Variants in PSD3 observed in about 807,000 individuals in gnomAD.
PSD3 encodes pleckstrin and Sec7 domain containing 3, also known as PH and SEC7 domain-containing protein 3.
Under a neutral mutation model 105.5 loss-of-function variants are expected in PSD3, and 49 were observed. The ratio of observed to expected loss-of-function variants is 0.46; its 90% CI spans 0.37 to 0.59. The LOEUF (loss-of-function observed/expected upper bound fraction) is 0.59. Ranked by LOEUF, PSD3 falls within the 20% of genes least tolerant of loss-of-function variation. The pLI, the probability that PSD3 is intolerant of heterozygous loss-of-function variation, is 0.00. For synonymous variants in PSD3, 557 were observed against 457.8 expected (o/e 1.22, Z -2.77); for missense variants, 1,561 against 1,263.8 (o/e 1.24, Z -3.57).
At chr8:18,826,294 C>T (rs373823164) in intron 4 of PSD3, among the ~76,000 whole-genome samples, 1 of 152,168 alleles carries the variant, frequency 6.6e-6, no homozygotes, top group Non-Finnish European at 1.5e-5. Flanking sequence ...TCCGTAATCA[C>T]GTGAACCAAT....
intron 7 of PSD3, 160 bp downstream of exon 7, chr8:18,801,110 C>A (rs1364103679): frequency 8.9e-6 from 4 of 449,164 alleles, no homozygotes; most frequent in Admixed American, 4.1e-5. Context: ...TCCAATTTGA[C>A]ATTAAATATT....
chr8:18,807,433 G>C (rs1297092039), intron 4 of PSD3, among the ~76,000 whole-genome samples: 2 of 152,210 alleles, frequency 1.3e-5, no homozygotes, highest in Non-Finnish European at 2.9e-5. Flanking sequence ...AGGGAAAAGA[G>C]AGAGAGTTTT....
At chr8:18,616,423 G>A (rs1046645084) in intron 11 of PSD3, among the ~76,000 whole-genome samples, 9 of 152,128 alleles carry the variant, frequency 5.9e-5, no homozygotes, top group Non-Finnish European at 8.8e-5. Context: ...TGTATTGATG[G>A]TGGCCAGGCA....
At chr8:18,560,855 A>G (rs1801352341) in intron 14 of PSD3, among the ~76,000 whole-genome samples, 1 of 152,220 alleles carries the variant, frequency 6.6e-6, no homozygotes, top group Non-Finnish European at 1.5e-5. Flanking sequence ...ATTGTGTAGT[A>G]TTAAGAGATG....
chr8:18,793,642 C>T (rs1809957327), intron 8 of PSD3, among the ~76,000 whole-genome samples: 1 of 152,126 alleles, frequency 6.6e-6, no homozygotes, highest in African/African-American at 2.4e-5. Context: ...GAATCTACAG[C>T]AGGGGAAAGC....
At chr8:18,544,170 C>CCAAAAAAAAAAAAAAAAAAAAAAAAAA (rs1800309776) in intron 15 of PSD3, among the ~76,000 whole-genome samples, 4 of 9,608 alleles carry the variant, frequency 4.2e-4, no homozygotes, top group East Asian at 2.3e-3. Context: ...AAGAAACAAA[C>CCAAAAAAAAAAAAAAAAAAAAAAAAAA]CAAAAAAAAA....
At chr8:18,739,651 A>G (rs1445392342) in intron 9 of PSD3, among the ~76,000 whole-genome samples, 1 of 152,198 alleles carries the variant, frequency 6.6e-6, no homozygotes, top group Non-Finnish European at 1.5e-5. Context: ...ATAGTAGCAA[A>G]AAAATAAACC....
At chr8:18,951,541 T>G (rs1329495227) in intron 1 of PSD3, among the ~76,000 whole-genome samples, 1 of 152,184 alleles carries the variant, frequency 6.6e-6, no homozygotes, top group Non-Finnish European at 1.5e-5. Context: ...AAAAATGCAC[T>G]GACAAGTTAG....
intron 1 of PSD3, among the ~76,000 whole-genome samples, chr8:19,065,591 G>A (rs4921623): frequency 0.37 from 55,511 of 151,970 alleles, 10,856 homozygotes; most frequent in East Asian, 0.58. Flanking sequence ...AAACACGTTC[G>A]CTGGTTTATT....
chr8:18,984,440 A>G (rs1825396975), intron 1 of PSD3, among the ~76,000 whole-genome samples: 1 of 152,104 alleles, frequency 6.6e-6, no homozygotes, highest in African/African-American at 2.4e-5. Context: ...TTTGAAAACA[A>G]TCAACCAGAA....
chr8:18,568,266 T>G (rs1266089983), intron 14 of PSD3, among the ~76,000 whole-genome samples: 4 of 152,066 alleles, frequency 2.6e-5, no homozygotes, highest in African/African-American at 4.8e-5. Context: ...TTTTTAAATC[T>G]AAATCTTCAT....
intron 9 of PSD3, among the ~76,000 whole-genome samples, chr8:18,735,559 T>A (rs1360006372): frequency 6.6e-6 from 1 of 152,132 alleles, no homozygotes; most frequent in Non-Finnish European, 1.5e-5. Flanking sequence ...AAATGGAGGG[T>A]AGGTTCTACA....
intron 1 of PSD3, among the ~76,000 whole-genome samples, chr8:19,043,861 T>C (rs1828219889): frequency 6.6e-6 from 1 of 152,234 alleles, no homozygotes; most frequent in African/African-American, 2.4e-5. Flanking sequence ...TTACCTAGTC[T>C]GTGGTATTTT....
chr8:18,938,621 C>A (rs543587816), intron 1 of PSD3, among the ~76,000 whole-genome samples: 17 of 96,026 alleles, frequency 1.8e-4, no homozygotes, highest in African/African-American at 6.5e-4. Context: ...GAAAATCCGT[C>A]TCAAACAAAA....
intron 2 of PSD3, among the ~76,000 whole-genome samples, chr8:18,911,757 T>C (rs1263997952): frequency 6.6e-6 from 1 of 152,088 alleles, no homozygotes; most frequent in Non-Finnish European, 1.5e-5. Context: ...GATATATAAA[T>C]GTACACATAC....
intron 4 of PSD3, among the ~76,000 whole-genome samples, chr8:18,830,707 C>T (rs1189855942): frequency 6.6e-6 from 1 of 152,142 alleles, no homozygotes; most frequent in East Asian, 1.9e-4. Context: ...CAGCATAACC[C>T]GAACTCCACC....
chr8:18,723,798 T>A (rs1026413812), intron 9 of PSD3, among the ~76,000 whole-genome samples: 6 of 152,256 alleles, frequency 3.9e-5, no homozygotes, highest in African/African-American at 1.4e-4. Context: ...AACACATTTT[T>A]AATTCTGACT....
At position 18,529,420 on chromosome 8, in the gene PSD3, T is replaced by C. The variant is rs917386363; in HGVS notation, c.*6323A>G. On this transcript the variant is annotated 3_prime_UTR_variant, in exon 16 of 16. Coordinates refer to ENST00000327040, the MANE Select transcript of PSD3 (RefSeq NM_015310.4). ...ACTTAAAACATTCACTGTGTGTGCA[T>C]GTGTGCAAGCATGTGTACACATGTC... 6.6e-6 allele frequency: 1 copy of C among 152,394 alleles called. No homozygotes were observed. The highest frequency in any genetic ancestry group is 2.4e-5 in the African/African-American group (1 of 41,422). The allele number at this position is 152,394 out of a possible 1,614,324, so 9.4% of individuals were successfully genotyped here.
In PSD3 at chr8:19,004,030, C is replaced by G. The variant is rs183498303; in HGVS notation, c.21+9533G>C. 9.4e-3 allele frequency among the ~76,000 whole-genome samples: 1,436 copies of G among 152,156 alleles called. 27 individuals are homozygous for G. The highest frequency in any genetic ancestry group is 0.015 in the Non-Finnish European group (1,010 of 67,964). Reference sequence around the variant, plus strand: ...GAACCACTGTACCAGAATCTTCAGGCAGCCCTAGAAATCTGAAACCAGGTA... The same window carrying G: ...GAACCACTGTACCAGAATCTTCAGGGAGCCCTAGAAATCTGAAACCAGGTA... On this transcript the variant is annotated intron_variant, in intron 1 of 15. Transcript: ENST00000327040.
Sources: gnomAD v4.1 joint callset for allele counts (sites outside exome capture counted in the v4.1 genomes callset) on GRCh38, gnomAD v4.1.1 for gene constraint, MANE v1.5 for transcripts, NCBI Gene and HGNC (gene_info 2026-07-23, HGNC 2026-07-21) for gene names.